The following LINGO2 variants were observed in gnomAD, a reference collection of about 807,000 sequenced individuals.
LINGO2 encodes the protein leucine rich repeat and Ig domain containing 2, also known as leucine-rich repeat and immunoglobulin-like domain-containing nogo receptor-interacting protein 2.
LINGO2 carries 14 observed loss-of-function variants against 30.6 expected under a neutral mutation model. The ratio of observed to expected loss-of-function variants is 0.46; its 90% CI spans 0.30 to 0.72. The LOEUF is 0.72. Ranked by LOEUF, LINGO2 falls within the 30% of genes least tolerant of loss-of-function variation. LINGO2 has a pLI of 0.07. For synonymous variants in LINGO2, 317 were observed against 288.5 expected, an observed-to-expected ratio of 1.10 and a Z score of -1.00; for missense variants, 729 against 751.7, an observed-to-expected ratio of 0.97 and a Z score of 0.35.
the LINGO2 span, among the ~76,000 whole-genome samples, chr9:28,898,049 G>A: frequency 6.6e-6 from 1 of 152,042 alleles, no homozygotes; most frequent in Admixed American, 6.6e-5. Context: ...ATAGGAGGAA[G>A]AATAAAAGTA....
the LINGO2 span, among the ~76,000 whole-genome samples, chr9:28,909,718 T>A: frequency 4.6e-5 from 7 of 152,042 alleles, no homozygotes; most frequent in Admixed American, 3.3e-4. Context: ...AGCAACTGCA[T>A]CACCTGATGA....
At chr9:28,328,788 C>A (rs1353162031) in intron 3 of LINGO2, among the ~76,000 whole-genome samples, 1 of 152,080 alleles carries the variant, frequency 6.6e-6, no homozygotes, top group African/African-American at 2.4e-5. Context: ...TTCCAGTTAA[C>A]TATTTTAGTA....
chr9:29,189,723 T>C, the LINGO2 span, among the ~76,000 whole-genome samples: 1 of 152,016 alleles, frequency 6.6e-6, no homozygotes, highest in African/African-American at 2.4e-5. Context: ...CTGGGCACGG[T>C]TGAGCACTGA....
intron 4 of LINGO2, among the ~76,000 whole-genome samples, chr9:28,204,669 C>G (rs934478143): frequency 6.6e-6 from 1 of 152,090 alleles, no homozygotes; most frequent in Non-Finnish European, 1.5e-5. Flanking sequence ...GGATTAGTTA[C>G]TTACTTAAAA....
chr9:29,024,967 C>T, the LINGO2 span, among the ~76,000 whole-genome samples: 12 of 152,000 alleles, frequency 7.9e-5, no homozygotes, highest in Non-Finnish European at 1.5e-5. Flanking sequence ...TAAAACCATA[C>T]GATGGCTTAT....
chr9:29,167,928 C>G, the LINGO2 span, among the ~76,000 whole-genome samples: 2 of 152,034 alleles, frequency 1.3e-5, no homozygotes, highest in African/African-American at 2.4e-5. Flanking sequence ...ACTCCACAGT[C>G]GTTAGCTACT....
the LINGO2 span, among the ~76,000 whole-genome samples, chr9:28,886,592 G>C: frequency 1.3e-5 from 2 of 151,998 alleles, no homozygotes; most frequent in Non-Finnish European, 2.9e-5. Context: ...AATTTCTTTT[G>C]TTGCTTATTT....
chr9:28,071,195 T>A (rs1825464847), intron 4 of LINGO2, among the ~76,000 whole-genome samples: 1 of 152,182 alleles, frequency 6.6e-6, no homozygotes, highest in African/African-American at 2.4e-5. Context: ...CTGCTATTGG[T>A]GCCTTGGGGT....
At chr9:28,866,403 G>A in the LINGO2 span, among the ~76,000 whole-genome samples, 4 of 151,954 alleles carry the variant, frequency 2.6e-5, no homozygotes, top group Non-Finnish European at 5.9e-5. Context: ...CTTGTGATTT[G>A]AAAAATAAGG....
the LINGO2 span, among the ~76,000 whole-genome samples, chr9:28,988,515 A>C: frequency 6.6e-6 from 1 of 151,872 alleles, no homozygotes; most frequent in Non-Finnish European, 1.5e-5. Flanking sequence ...TGGTGAATTT[A>C]ATCCATCTAC....
intron 4 of LINGO2, among the ~76,000 whole-genome samples, chr9:28,142,286 C>A (rs572679658): frequency 1.3e-5 from 2 of 151,152 alleles, no homozygotes; most frequent in Non-Finnish European, 2.9e-5. Context: ...ATAAAACCAA[C>A]ACACGAAATT....
At chr9:28,876,183 A>G in the LINGO2 span, among the ~76,000 whole-genome samples, 281 of 152,192 alleles carry the variant, frequency 1.8e-3, no homozygotes, top group African/African-American at 6.4e-3. Flanking sequence ...ATTTTCATAT[A>G]CATTATGTCA....
At chr9:28,618,655 T>C (rs1325202247) in intron 1 of LINGO2, among the ~76,000 whole-genome samples, 1 of 152,180 alleles carries the variant, frequency 6.6e-6, no homozygotes, top group Non-Finnish European at 1.5e-5. Flanking sequence ...TTCTTACCCA[T>C]TATGATCTAG....
At chr9:28,170,124 T>C (rs1828540697) in intron 4 of LINGO2, among the ~76,000 whole-genome samples, 1 of 152,198 alleles carries the variant, frequency 6.6e-6, no homozygotes, top group African/African-American at 2.4e-5. Context: ...GCCAGGACCA[T>C]ACCTGGTATT....
chr9:28,326,819 C>G (rs1329996351), intron 3 of LINGO2, among the ~76,000 whole-genome samples: 1 of 152,134 alleles, frequency 6.6e-6, no homozygotes, highest in Non-Finnish European at 1.5e-5. Context: ...CACAAGAGAA[C>G]AGGCACAATA....
chr9:28,222,434 T>G (rs578214731), intron 4 of LINGO2, among the ~76,000 whole-genome samples: 8 of 152,134 alleles, frequency 5.3e-5, no homozygotes, highest in Non-Finnish European at 1.2e-4. Context: ...AACTCTTTTT[T>G]ACTACAAAAA....
In LINGO2 at chr9:28,587,221, G is replaced by A. The variant is rs147213939; in HGVS notation, c.-365+82979C>T. Among the ~76,000 whole-genome samples the A allele has an allele frequency of 2.6e-3, 399 of 152,118 alleles. 4 individuals carry two copies. Among genetic ancestry groups the A allele is most frequent in the African/African-American group, 9.2e-3 (381 of 41,542 alleles). Reference sequence around the variant, plus strand: ...GCCCCCAAGATCCCCTTCCCCTTCTGATGGAGGCTGACAAGTTCTGCTGTG... The same window carrying A: ...GCCCCCAAGATCCCCTTCCCCTTCTAATGGAGGCTGACAAGTTCTGCTGTG... On this transcript the variant is annotated intron_variant, in intron 1 of 5. Coordinates refer to ENST00000379992, the Ensembl canonical transcript of LINGO2.
At chr9:28,287,321 C>A (rs1823548930) in intron 4 of LINGO2, among the ~76,000 whole-genome samples, 1 of 152,118 alleles carries the variant, frequency 6.6e-6, no homozygotes, top group African/African-American at 2.4e-5. Context: ...ATTCTTCTAC[C>A]AGAGGTGTTA....
At chr9:29,082,257 G>C in the LINGO2 span, among the ~76,000 whole-genome samples, 45 of 152,110 alleles carry the variant, frequency 3.0e-4, no homozygotes, top group Admixed American at 1.4e-3. Context: ...ACAGAACAGA[G>C]CACTCAGAAA....
Sources: gnomAD v4.1 joint callset for allele counts (sites outside exome capture counted in the v4.1 genomes callset) on GRCh38, gnomAD v4.1.1 for gene constraint, MANE v1.5 for transcripts, NCBI Gene and HGNC (gene_info 2026-07-23, HGNC 2026-07-21) for gene names.